Variants in DEFB125 observed in about 807,000 individuals in gnomAD.
The protein encoded by DEFB125 is defensin beta 125.
A neutral mutation model predicts 11.8 loss-of-function variants in DEFB125; 11 were observed. The observed-to-expected ratio is 0.94, with a 90% CI of 0.59 to 1.55. The LOEUF is 1.55. Ranked by LOEUF, DEFB125 falls within the 40% of genes most tolerant of loss-of-function variation. The probability of loss-of-function intolerance (pLI) is 0.00; values close to 1 mark genes in which losing one functional copy is unlikely to be tolerated. For synonymous variants in DEFB125, 79 were observed against 66.7 expected (o/e 1.18, Z -0.90); for missense variants, 198 against 191.2 (o/e 1.04, Z -0.21).
chr20:95,914 A>C, intron 1 of DEFB125, 91 bp from the exon 2 acceptor site: 2 of 1,182,104 alleles, frequency 1.7e-6, no homozygotes, highest in South Asian at 3.1e-5. Context: ...ATATTAGTCT[A>C]GATGTCAGTC....
At position 91,823 on chromosome 20, in the gene DEFB125, T is replaced by C. The variant is rs537658124; in HGVS notation, c.58+4056T>C. 2.6e-5 allele frequency among the ~76,000 whole-genome samples: 4 copies of C among 152,324 alleles called. No individual in the cohort carries two copies. In the South Asian group the frequency reaches 6.2e-4, roughly 24 times the overall value. On this transcript the variant is annotated intron_variant, in intron 1 of 1. Transcript: ENST00000382410. ...AAATTAAGATATAAATCTTTGTAGA[T>C]GTGAGGAACGAAGAAGCAAGGTTAG...
At chr20:95,556 C>T (rs1177388830) in intron 1 of DEFB125, among the ~76,000 whole-genome samples, 1 of 151,656 alleles carries the variant, frequency 6.6e-6, no homozygotes, top group Non-Finnish European at 1.5e-5. Context: ...TTTCTTGTGT[C>T]TCTGCTAGGT....
intron 1 of DEFB125, 115 bp from the exon 2 acceptor site, chr20:95,890 T>C: frequency 2.0e-6 from 2 of 984,860 alleles, no homozygotes; most frequent in South Asian, 1.9e-5. Context: ...CAATGGCTTT[T>C]TGTATTTGAC....
At position 87,822 on chromosome 20, in the gene DEFB125, G is replaced by A. The variant is rs1329829471; in HGVS notation, c.58+55G>A. The A allele has an allele frequency of 1.9e-6, 3 of 1,577,658 alleles. No homozygotes were observed. The African/African-American group carries it at 4.1e-5, about 21-fold the overall frequency. ...GACTAGGATGAGTTGTTGCCCTTGG[G>A]CTCCCCTGGTATCATGATGGGAAGA... On this transcript the variant is annotated intron_variant, in intron 1 of 1. Transcript: ENST00000382410.
chr20:93,053 C>A (rs538038620), intron 1 of DEFB125, among the ~76,000 whole-genome samples: 1 of 149,938 alleles, frequency 6.7e-6, no homozygotes, highest in East Asian at 2.0e-4. Flanking sequence ...TTACTGCAAC[C>A]TTCGCCTCCC....
In DEFB125 at chr20:96,442, C is replaced by T; in HGVS notation, c.*25C>T. The stretch of plus-strand genomic sequence containing the variant: ...ATTAACATTTACTTCTGGTATGGAA[C>T]AACTAGAAATACTGCTGGAAATAAT... On this transcript the variant is annotated 3_prime_UTR_variant, in exon 2 of 2. Coordinates refer to ENST00000382410, the MANE Select transcript of DEFB125 (RefSeq NM_153325.4). The T allele has an allele frequency of 1.3e-6, 2 of 1,585,630 alleles. No individual in the cohort carries two copies. Among genetic ancestry groups the T allele is most frequent in the Non-Finnish European group, 1.7e-6 (2 of 1,167,194 alleles).
At chr20:95,931 A>C in intron 1 of DEFB125, 74 bp from the exon 2 acceptor site, 1 of 1,411,594 alleles carries the variant, frequency 7.1e-7, no homozygotes, top group Non-Finnish European at 9.6e-7. Context: ...AGTCAGTGTA[A>C]ATTTTTGAAT....
chr20:90,615 C>A (rs2054492733), intron 1 of DEFB125, among the ~76,000 whole-genome samples: 1 of 152,180 alleles, frequency 6.6e-6, no homozygotes, highest in Non-Finnish European at 1.5e-5. Context: ...CAAAACTCTG[C>A]TATGGCCCCC....
At chr20:90,571 G>A (rs759604683) in intron 1 of DEFB125, among the ~76,000 whole-genome samples, 10 of 152,234 alleles carry the variant, frequency 6.6e-5, no homozygotes, top group East Asian at 3.9e-4. Context: ...TGCATGATCC[G>A]CTTACACTGG....
chr20:92,018 C>T (rs1033653668), intron 1 of DEFB125, among the ~76,000 whole-genome samples: 3 of 152,066 alleles, frequency 2.0e-5, no homozygotes, highest in African/African-American at 7.2e-5. Flanking sequence ...CCAACATTTC[C>T]CAGAGGATAA....
At chr20:89,187 G>T (rs2054487718) in intron 1 of DEFB125, among the ~76,000 whole-genome samples, 1 of 152,052 alleles carries the variant, frequency 6.6e-6, no homozygotes, top group Non-Finnish European at 1.5e-5. Flanking sequence ...GTTATATGTT[G>T]CCTAGAAAGA....
At chr20:89,381 TAA>T (rs1424727179) in intron 1 of DEFB125, among the ~76,000 whole-genome samples, 4 of 152,132 alleles carry the variant, frequency 2.6e-5, no homozygotes, top group Non-Finnish European at 5.9e-5. Flanking sequence ...GTAAAGAAGT[TAA>T]AAGAGACAAA....
At chr20:88,018 AC>A (rs1237511282) in intron 1 of DEFB125, among the ~76,000 whole-genome samples, 1 of 152,144 alleles carries the variant, frequency 6.6e-6, no homozygotes, top group Non-Finnish European at 1.5e-5. Context: ...GCTCTGAGCC[AC>A]CCTATCTGTC....
intron 1 of DEFB125, among the ~76,000 whole-genome samples, chr20:92,145 T>C (rs974380337): frequency 6.6e-6 from 1 of 152,188 alleles, no homozygotes; most frequent in Non-Finnish European, 1.5e-5. Context: ...TACTTGCTCT[T>C]CTGCACATAT....
chr20:91,599 T>C (rs1220425883), intron 1 of DEFB125, among the ~76,000 whole-genome samples: 1 of 152,180 alleles, frequency 6.6e-6, no homozygotes, highest in Non-Finnish European at 1.5e-5. Flanking sequence ...GCCTGTGCCA[T>C]AGTAGGGGCC....
In DEFB125 at chr20:87,757, G is replaced by C; in HGVS notation, c.48G>C (p.Arg16=). ...LTFIICGLLT[R]VTKGSFEPQK... ...TCATTATCTGTGGGTTGCTAACTCG[G>C]GTGACCAAAGGTAATGGAACCCTAT... The change falls in exon 1 of 2, where the codon CGG becomes CGC. Residue 16 remains arginine (R), a synonymous_variant. Coordinates refer to ENST00000382410, the MANE Select transcript of DEFB125 (RefSeq NM_153325.4). The C allele has an allele frequency of 6.2e-7, 1 of 1,613,076 alleles. No individual in the cohort carries two copies.
intron 1 of DEFB125, among the ~76,000 whole-genome samples, 175 bp from the exon 2 acceptor site, chr20:95,830 C>T (rs371364067): frequency 6.6e-6 from 1 of 152,240 alleles, no homozygotes; most frequent in Admixed American, 6.5e-5. Context: ...TCTTTGATGG[C>T]ACATAGCACA....
intron 1 of DEFB125, among the ~76,000 whole-genome samples, chr20:93,870 C>A (rs1600134911): frequency 6.6e-6 from 1 of 152,086 alleles, no homozygotes; most frequent in African/African-American, 2.4e-5. Flanking sequence ...GTCCTTTGAG[C>A]CTCATGTAGA....
chr20:96,647 A>G lies in DEFB125; in HGVS notation c.*230A>G, dbSNP rs766957469. ...ACAAGGATTCTCTTAATTGGACTTA[A>G]ATTCTTTATCTGTCTTCCTCCGATG... is the stretch of plus-strand genomic sequence containing the variant. On this transcript the variant is annotated 3_prime_UTR_variant, in exon 2 of 2. Coordinates refer to ENST00000382410, the MANE Select transcript of DEFB125 (RefSeq NM_153325.4). 1 of 495,166 alleles carries G rather than the reference A, an allele frequency of 2.0e-6. No homozygotes were observed. The highest frequency in any genetic ancestry group is 3.5e-6 in the Non-Finnish European group (1 of 287,708). 30.7% of individuals were successfully genotyped at this position (495,166 alleles called of 1,614,324 possible).
Sources: gnomAD v4.1 joint callset for allele counts (sites outside exome capture counted in the v4.1 genomes callset) on GRCh38, gnomAD v4.1.1 for gene constraint, MANE v1.5 for transcripts, NCBI Gene and HGNC (gene_info 2026-07-23, HGNC 2026-07-21) for gene names.